CFAP90: variants seen among roughly 807,000 people sequenced by gnomAD.
The protein encoded by CFAP90 is cilia- and flagella-associated protein 90.
chr5:7,844,189 C>T, the CFAP90 span, among the ~76,000 whole-genome samples: 2 of 152,158 alleles, frequency 1.3e-5, no homozygotes, highest in African/African-American at 2.4e-5. Context: ...CCCCCAAGCC[C>T]TGAGTTTTCC....
the CFAP90 span, among the ~76,000 whole-genome samples, chr5:7,845,553 A>G: frequency 6.6e-6 from 1 of 152,258 alleles, no homozygotes; most frequent in South Asian, 2.1e-4. Context: ...TAATTGCTTT[A>G]AATGCAGCTC....
the CFAP90 span, among the ~76,000 whole-genome samples, chr5:7,837,673 T>A: frequency 6.6e-6 from 1 of 152,222 alleles, no homozygotes; most frequent in Non-Finnish European, 1.5e-5. Flanking sequence ...AAACATGCTG[T>A]GCTCCTGCTG....
chr5:7,850,953 C>G, the CFAP90 span: 1 of 1,336,668 alleles, frequency 7.5e-7, no homozygotes, highest in Non-Finnish European at 9.6e-7. Flanking sequence ...CGGACTGCGC[C>G]GAGACGGGCG....
chr5:7,832,086 A>C, the CFAP90 span: 399 of 1,529,600 alleles, frequency 2.6e-4, no homozygotes, highest in Non-Finnish European at 3.2e-4. Context: ...AGCACAGCTC[A>C]CCCGTGCATC....
the CFAP90 span, among the ~76,000 whole-genome samples, chr5:7,850,266 C>G: frequency 6.6e-6 from 1 of 151,992 alleles, no homozygotes; most frequent in Non-Finnish European, 1.5e-5. Context: ...CTGCCGCGCC[C>G]CCTTCATCTC....
the CFAP90 span, among the ~76,000 whole-genome samples, chr5:7,839,111 A>G: frequency 6.6e-6 from 1 of 152,134 alleles, no homozygotes; most frequent in African/African-American, 2.4e-5. Flanking sequence ...TTGTGCAGGG[A>G]ACTCCCCTTT....
At chr5:7,841,865 T>C in the CFAP90 span, among the ~76,000 whole-genome samples, 6 of 152,230 alleles carry the variant, frequency 3.9e-5, no homozygotes, top group African/African-American at 1.2e-4. Context: ...TCAGGAAGAA[T>C]AGTTAATGGA....
chr5:7,832,053 T>C, the CFAP90 span: 2 of 1,597,346 alleles, frequency 1.3e-6, no homozygotes, highest in East Asian at 2.3e-5. Context: ...TCAAAGCACA[T>C]AGTCAGCACC....
At chr5:7,851,015 C>A in the CFAP90 span, 1 of 1,260,170 alleles carries the variant, frequency 7.9e-7, no homozygotes, top group Non-Finnish European at 1.0e-6. Context: ...TCCTCGTCGT[C>A]CTCCATGCCG....
At chr5:7,841,802 G>A in the CFAP90 span, among the ~76,000 whole-genome samples, 1 of 152,040 alleles carries the variant, frequency 6.6e-6, no homozygotes, top group Non-Finnish European at 1.5e-5. Flanking sequence ...ATGGGGGGTG[G>A]GCAACACACA....
chr5:7,837,440 C>T, the CFAP90 span, among the ~76,000 whole-genome samples: 4 of 152,022 alleles, frequency 2.6e-5, no homozygotes, highest in Admixed American at 2.0e-4. Flanking sequence ...TTGTTTTGTT[C>T]CCAGATAGTG....
chr5:7,849,748 G>T, the CFAP90 span, among the ~76,000 whole-genome samples: 9,099 of 152,230 alleles, frequency 0.06, 751 homozygotes, highest in African/African-American at 0.19. Context: ...AGAACAGAGG[G>T]ACCACTCTCA....
the CFAP90 span, among the ~76,000 whole-genome samples, chr5:7,843,901 A>T: frequency 6.6e-6 from 1 of 152,212 alleles, no homozygotes; most frequent in Non-Finnish European, 1.5e-5. Context: ...ATGTTCTTGT[A>T]TAAAAAACAT....
At chr5:7,843,232 G>A in the CFAP90 span, among the ~76,000 whole-genome samples, 1 of 152,186 alleles carries the variant, frequency 6.6e-6, no homozygotes. Flanking sequence ...TTGGTATTGT[G>A]TGAAGCTTAA....
the CFAP90 span, among the ~76,000 whole-genome samples, chr5:7,844,969 A>T: frequency 2.6e-5 from 4 of 152,216 alleles, no homozygotes; most frequent in Non-Finnish European, 4.4e-5. Flanking sequence ...GCTATAAAGA[A>T]CTGCCTAGGA....
chr5:7,843,479 G>A, the CFAP90 span, among the ~76,000 whole-genome samples: 1 of 152,166 alleles, frequency 6.6e-6, no homozygotes, highest in East Asian at 1.9e-4. Context: ...TCAGACTGAA[G>A]TCAAGATAAT....
At chr5:7,831,646 T>A in the CFAP90 span, 2 of 524,268 alleles carry the variant, frequency 3.8e-6, no homozygotes, top group Non-Finnish European at 6.8e-6. Flanking sequence ...GTACTAAAGG[T>A]GTTGTTGGTC....
chr5:7,838,417 G>A, the CFAP90 span, among the ~76,000 whole-genome samples: 1 of 152,190 alleles, frequency 6.6e-6, no homozygotes, highest in Non-Finnish European at 1.5e-5. Flanking sequence ...AAGCTAATTT[G>A]CTGCTGGCCT....
At chr5:7,840,734 T>C in the CFAP90 span, among the ~76,000 whole-genome samples, 1 of 152,110 alleles carries the variant, frequency 6.6e-6, no homozygotes, top group African/African-American at 2.4e-5. Flanking sequence ...TGACCTTATT[T>C]GGAATAAGGT....
Sources: gnomAD v4.1 joint callset for allele counts (sites outside exome capture counted in the v4.1 genomes callset) on GRCh38, gnomAD v4.1.1 for gene constraint, MANE v1.5 for transcripts, NCBI Gene and HGNC (gene_info 2026-07-23, HGNC 2026-07-21) for gene names.